Variants in SPEN observed in about 807,000 individuals in gnomAD.
SPEN encodes msx2-interacting protein.
Under a neutral mutation model 269.9 loss-of-function variants are expected in SPEN, and 18 were observed. The observed-to-expected ratio is 0.07, with a 90% CI of 0.05 to 0.10. The LOEUF is 0.10. SPEN is among the 10% of genes least tolerant of loss of function. SPEN has a pLI of 1.00. For missense variants in SPEN, 3,822 were observed against 4,631.2 expected (o/e 0.83, Z 5.07); for synonymous variants, 1,726 against 1,765.7 (o/e 0.98, Z 0.56).
chr1:15,936,429 C>T (rs531695896), intron 11 of SPEN, among the ~76,000 whole-genome samples, 163 bp downstream of exon 11: 20 of 151,638 alleles, frequency 1.3e-4, no homozygotes, highest in African/African-American at 4.6e-4. Context: ...CTGCTTAAGC[C>T]CGGGAGTTCG....
intron 10 of SPEN, among the ~76,000 whole-genome samples, chr1:15,927,755 A>G (rs1310270226): frequency 6.6e-6 from 1 of 152,198 alleles, no homozygotes; most frequent in Non-Finnish European, 1.5e-5. Flanking sequence ...GTAATTTTAA[A>G]TTTTCTAGTA....
rs757651809 is a variant in SPEN at position 15,933,312 on chromosome 1, G to C, written c.7072G>C (p.Glu2358Gln). ...GGCTCCTGTAGAGAGCCATGTCCCT[G>C]AATCCAACCAAGCTCAAGGTGAGAG... ...VVAPVESHVP[E>Q]SNQAQGESPA... Residue 2358 changes from glutamate to glutamine, a missense_variant, in exon 11 of 15, where the codon GAA becomes CAA. By Grantham distance (29) the Glu-to-Gln change is conservative (BLOSUM62 2). Around this residue, in one of 16 missense-constraint regions of SPEN, gnomAD observed 727 missense variants for 737.9 expected, o/e 0.99. Coordinates refer to ENST00000375759, the MANE Select transcript of SPEN (RefSeq NM_015001.3). The surrounding 1 kb of genome is among the most constrained non-coding windows in gnomAD (Gnocchi z 5.7). The C allele has an allele frequency of 1.8e-5, 29 of 1,613,994 alleles. No individual in the cohort carries two copies. The highest frequency in any genetic ancestry group is 2.4e-5 in the Non-Finnish European group (28 of 1,180,046).
chr1:15,903,700 G>T (rs1270060901), intron 3 of SPEN, among the ~76,000 whole-genome samples: 2 of 152,168 alleles, frequency 1.3e-5, no homozygotes, highest in Admixed American at 6.5e-5. Context: ...GCCATGTCAT[G>T]TGCATGCTGG....
chr1:15,867,749 T>C (rs1234086559), intron 1 of SPEN, among the ~76,000 whole-genome samples: 1 of 150,548 alleles, frequency 6.6e-6, no homozygotes, highest in Non-Finnish European at 1.5e-5. Flanking sequence ...GGGTATGAAA[T>C]GGTATATAAT....
chr1:15,939,416 G>T lies in SPEN; in HGVS notation c.10984G>T (p.Ala3662Ser), dbSNP rs761298886. The T allele has an allele frequency of 6.3e-7, 1 of 1,596,712 alleles. No individual in the cohort carries two copies. The highest frequency in any genetic ancestry group is 1.1e-5 in the South Asian group (1 of 88,184). Residue 3662 changes from alanine to serine, a missense_variant, in exon 15 of 15, where the codon GCC (alanine) becomes TCC (serine). Physicochemically the swap from Ala to Ser is moderately conservative, Grantham distance 99. Coordinates refer to ENST00000375759, the MANE Select transcript of SPEN (RefSeq NM_015001.3). The surrounding 1 kb of genome is among the most constrained non-coding windows in gnomAD (Gnocchi z 4.1). The part of the protein sequence containing the change: ...NISPHLMIVI[A>S]SV ...CTCTCCCCACCTCATGATTGTCATT[G>T]CCTCCGTGTGAGCCACTGAGTGGTT...
chr1:15,894,015 C>T (rs187351500), intron 3 of SPEN, among the ~76,000 whole-genome samples: 357 of 152,246 alleles, frequency 2.3e-3, no homozygotes, highest in Non-Finnish European at 4.1e-3. Flanking sequence ...CCAGCCTGGG[C>T]GACAGAAAAG....
chr1:15,929,247 A>G lies in SPEN; in HGVS notation c.3007A>G (p.Lys1003Glu). The change falls in exon 11 of 15, where the codon AAG (lysine) becomes GAG (glutamate). Residue 1003 changes from lysine to glutamate, a missense_variant. By Grantham distance (56) the Lys-to-Glu change is moderately conservative. Around this residue, in one of 16 missense-constraint regions of SPEN, gnomAD observed 572 missense variants for 582.6 expected, o/e 0.98. Coordinates refer to ENST00000375759, the MANE Select transcript of SPEN (RefSeq NM_015001.3). This position sits in a 1 kb window ranked among gnomAD's most constrained non-coding sequence, Gnocchi z 5.8. Reference sequence around the variant, plus strand: ...AGCAGAAAAGCAAAAACCAGAGGTCAAGAAAAGCAGTCCAGAGATGGAGGA... The same window carrying G: ...AGCAGAAAAGCAAAAACCAGAGGTCGAGAAAAGCAGTCCAGAGATGGAGGA... ...LKAEKQKPEVKKSSPEMEDAR... is the reference protein window; with the variant it reads ...LKAEKQKPEVEKSSPEMEDAR... 1 of 1,614,218 alleles carries G rather than the reference A, an allele frequency of 6.2e-7. No individual in the cohort carries two copies. Among genetic ancestry groups the G allele is most frequent in the Non-Finnish European group, 8.5e-7 (1 of 1,180,032 alleles).
At chr1:15,889,747 T>C (rs2070771762) in intron 3 of SPEN, among the ~76,000 whole-genome samples, 1 of 152,162 alleles carries the variant, frequency 6.6e-6, no homozygotes, top group African/African-American at 2.4e-5. Context: ...GGAGTCTCAC[T>C]CTGTTGCCCA....
At chr1:15,857,249 G>A (rs1220978821) in intron 1 of SPEN, among the ~76,000 whole-genome samples, 1 of 152,122 alleles carries the variant, frequency 6.6e-6, no homozygotes, top group Non-Finnish European at 1.5e-5. Context: ...ATTTTCTGTA[G>A]AGACAAGGTC....
rs758865115 is a variant in SPEN, at chr1:15,879,796, G to A, written c.881+3118G>A. ...CGCCATTCTTCTGCCTCAGCCTCTC[G>A]AGTAGCTGGGACTACAGGCTCCCGC... On this transcript the variant is annotated intron_variant, in intron 3 of 14. Coordinates refer to ENST00000375759, the MANE Select transcript of SPEN (RefSeq NM_015001.3). Among the ~76,000 whole-genome samples the A allele has an allele frequency of 7.9e-5, 12 of 151,892 alleles. No homozygotes were observed. The South Asian group carries it at 1.5e-3, about 18-fold the overall frequency.
At position 15,934,541 on chromosome 1, in the gene SPEN, T is replaced by G. The variant is rs2071255563; in HGVS notation, c.8301T>G (p.Ile2767Met). 1 of 1,613,968 alleles carries G rather than the reference T, an allele frequency of 6.2e-7. No homozygotes were observed. The highest frequency in any genetic ancestry group is 8.5e-7 in the Non-Finnish European group (1 of 1,180,038). ...TGTVTMAGAV[I>M]APSTKCKQRA... Reference sequence around the variant, plus strand: ...CGGTGACAATGGCAGGGGCAGTGATTGCGCCGTCAACAAAGTGCAAACAGA... The same window carrying G: ...CGGTGACAATGGCAGGGGCAGTGATGGCGCCGTCAACAAAGTGCAAACAGA... The change falls in exon 11 of 15, where the codon ATT becomes ATG. Residue 2767 changes from isoleucine (I) to methionine (M), a missense_variant. Transcript: ENST00000375759. This position sits in a 1 kb window ranked among gnomAD's most constrained non-coding sequence, Gnocchi z 9.2.
intron 3 of SPEN, among the ~76,000 whole-genome samples, chr1:15,906,431 T>G (rs1184026162): frequency 2.0e-5 from 3 of 151,446 alleles, no homozygotes; most frequent in African/African-American, 7.3e-5. Flanking sequence ...TTATTAAGCT[T>G]TCTTTTTCTT....
chr1:15,928,023 A>T lies in SPEN; in HGVS notation c.1851-68A>T, dbSNP rs949543812. On this transcript the variant is annotated intron_variant, in intron 10 of 14. Transcript: ENST00000375759. The surrounding 1 kb of genome is among the most constrained non-coding windows in gnomAD (Gnocchi z 5.7). ...TTTAGAAGCAGGAATTTCTGATTTC[A>T]TATGTATGATTTTATGCATAAGTGA... is the stretch of plus-strand genomic sequence containing the variant. 4 of 1,366,706 alleles carry T rather than the reference A, an allele frequency of 2.9e-6. No individual in the cohort carries two copies. The Admixed American group carries it at 7.0e-5, about 24-fold the overall frequency. The allele number at this position is 1,366,706 out of a possible 1,614,324, so 84.7% of individuals were successfully genotyped here.
intron 3 of SPEN, among the ~76,000 whole-genome samples, chr1:15,881,823 A>G (rs1036897224): frequency 2.0e-5 from 3 of 152,248 alleles, no homozygotes; most frequent in African/African-American, 7.2e-5. Flanking sequence ...TTTGGAAGAA[A>G]TAAGTTATTT....
chr1:15,935,360 C>T lies in SPEN; in HGVS notation c.9120C>T (p.Ser3040=). 6.2e-7 allele frequency: 1 copy of T among 1,614,090 alleles called. No homozygotes were observed. The highest frequency in any genetic ancestry group is 8.5e-7 in the Non-Finnish European group (1 of 1,179,994). Reference sequence around the variant, plus strand: ...GGCCATCCTCATTCCCAAGGGCAAGCCACCCCAGCAGTACTGCATCTACGG... The same window carrying T: ...GGCCATCCTCATTCCCAAGGGCAAGTCACCCCAGCAGTACTGCATCTACGG... ...GPGPSSFPRA[S]HPSSTASTAL... The change falls in exon 11 of 15, where the codon AGC becomes AGT. Residue 3040 remains serine (S), a synonymous_variant. Coordinates refer to ENST00000375759, the MANE Select transcript of SPEN (RefSeq NM_015001.3). The surrounding 1 kb of genome is among the most constrained non-coding windows in gnomAD (Gnocchi z 7.7).
At chr1:15,899,548 T>TG (rs1183455569) in intron 3 of SPEN, among the ~76,000 whole-genome samples, 3 of 148,556 alleles carry the variant, frequency 2.0e-5, no homozygotes, top group East Asian at 3.9e-4. Context: ...TTTTTTTTTT[T>TG]TTTTTTTTTT....
At chr1:15,867,489 C>T (rs1218497213) in intron 1 of SPEN, among the ~76,000 whole-genome samples, 2 of 152,196 alleles carry the variant, frequency 1.3e-5, no homozygotes, top group Admixed American at 6.5e-5. Context: ...TGAGCCACCA[C>T]GCCTGGCTCA....
chr1:15,918,986 A>G lies in SPEN; in HGVS notation c.1456A>G (p.Ile486Val), dbSNP rs1226046513. 1.2e-6 allele frequency: 2 copies of G among 1,610,732 alleles called. No individual in the cohort carries two copies. The highest frequency in any genetic ancestry group is 1.7e-6 in the Non-Finnish European group (2 of 1,177,662). The change falls in exon 7 of 15, where the codon ATT (isoleucine) becomes GTT (valine). Residue 486 changes from isoleucine to valine, a missense_variant. Ile to Val is a conservative substitution (Grantham distance 29). Coordinates refer to ENST00000375759, the MANE Select transcript of SPEN (RefSeq NM_015001.3). Reference protein sequence around the residue: ...PQYAFLQYCDIASVCKAIKKM... With the variant: ...PQYAFLQYCDVASVCKAIKKM... ...GTATGCGTTTCTGCAATACTGTGATATTGCTAGCGTTTGTAAAGCTATTAA... is the reference window on the plus strand; with the variant it reads ...GTATGCGTTTCTGCAATACTGTGATGTTGCTAGCGTTTGTAAAGCTATTAA...
chr1:15,872,824 G>A lies in SPEN; in HGVS notation c.92G>A (p.Arg31His), dbSNP rs1460194680. ...GACTTTATTTTTTCCAGATATGGCC[G>A]CGTGGAAAGTGTCAAAATTCTTCCC... ...KIIEHFKRYGRVESVKILPKR... is the reference protein window; with the variant it reads ...KIIEHFKRYGHVESVKILPKR... The change falls in exon 2 of 15, where the codon CGC (arginine) becomes CAC (histidine). Residue 31 changes from arginine (R) to histidine (H), a missense_variant. By Grantham distance (29) the Arg-to-His change is conservative (BLOSUM62 0). Around this residue, in one of 16 missense-constraint regions of SPEN, gnomAD observed 51 missense variants for 56.1 expected, o/e 0.91. Transcript: ENST00000375759. 3.4e-6 allele frequency: 5 copies of A among 1,484,480 alleles called. No individual in the cohort carries two copies. Among genetic ancestry groups the A allele is most frequent in the Non-Finnish European group, 4.5e-6 (5 of 1,110,804 alleles). The allele number at this position is 1,484,480 out of a possible 1,614,324, so 92.0% of individuals were successfully genotyped here. A position where few individuals can be genotyped will look rare whatever the true frequency, so the allele number is the denominator to read the frequency against.
Sources: gnomAD v4.1 joint callset for allele counts (sites outside exome capture counted in the v4.1 genomes callset) on GRCh38, gnomAD v4.1.1 for gene constraint, gnomAD v4.1.1 regional missense constraint, Gnocchi (gnomAD v3.1) non-coding constraint, MANE v1.5 for transcripts, NCBI Gene and HGNC (gene_info 2026-07-23, HGNC 2026-07-21) for gene names.